Variants in MED12L observed in about 807,000 individuals in gnomAD.
The protein encoded by MED12L is mediator of RNA polymerase II transcription subunit 12-like protein.
In MED12L, 60 loss-of-function variants were observed where a neutral mutation model predicts 281.3. The ratio of observed to expected loss-of-function variants is 0.21; its 90% CI spans 0.17 to 0.26. The LOEUF is 0.26. Ranked by LOEUF, MED12L falls within the 10% of genes least tolerant of loss-of-function variation. MED12L has a pLI of 1.00. For missense variants in MED12L, 2,146 were observed against 2,680.9 expected (o/e 0.80, Z 4.41); for synonymous variants, 974 against 987.2 (o/e 0.99, Z 0.25).
chr3:151,295,484 A>G (rs1461515167), intron 16 of MED12L, among the ~76,000 whole-genome samples: 1 of 152,170 alleles, frequency 6.6e-6, no homozygotes, highest in Non-Finnish European at 1.5e-5. Flanking sequence ...TAAACATACC[A>G]GTGTAAATTA....
chr3:151,109,631 C>T (rs1711559497), intron 2 of MED12L, among the ~76,000 whole-genome samples: 1 of 152,194 alleles, frequency 6.6e-6, no homozygotes. Flanking sequence ...ACTGTGAATT[C>T]ACATTCTCAG....
At chr3:151,424,605 AG>A (rs1718647844) in intron 43 of MED12L, among the ~76,000 whole-genome samples, 1 of 146,412 alleles carries the variant, frequency 6.8e-6, no homozygotes, top group Non-Finnish European at 1.5e-5. Flanking sequence ...TGGACGACTG[AG>A]CAAAACTCTG....
In MED12L at chr3:151,433,833, G is replaced by A. The variant is rs1186881183; in HGVS notation, c.*1029G>A. On this transcript the variant is annotated 3_prime_UTR_variant, in exon 45 of 45. Transcript: ENST00000687756. ...TGCTCTTTTGAATTTAATTATTACTGTCAGTGTCAGTCTTGGTTGTGTATT... is the reference window on the plus strand; with the variant it reads ...TGCTCTTTTGAATTTAATTATTACTATCAGTGTCAGTCTTGGTTGTGTATT... 1 of 152,572 alleles carries A rather than the reference G, an allele frequency of 6.6e-6. No homozygotes were observed. The highest frequency in any genetic ancestry group is 1.5e-5 in the Non-Finnish European group (1 of 68,026). The allele number at this position is 152,572 out of a possible 1,614,324, so 9.5% of individuals were successfully genotyped here.
intron 16 of MED12L, among the ~76,000 whole-genome samples, chr3:151,322,136 T>G (rs1004745733): frequency 5.9e-5 from 9 of 152,178 alleles, no homozygotes; most frequent in African/African-American, 1.9e-4. Flanking sequence ...ATTCTACATG[T>G]TCATAGAAAT....
rs1720094225 is a variant in MED12L at position 151,435,768 on chromosome 3, A to C, written c.*2964A>C. 1.3e-5 allele frequency: 2 copies of C among 152,226 alleles called. No individual in the cohort carries two copies. The highest frequency in any genetic ancestry group is 1.3e-4 in the Admixed American group (2 of 15,288). The allele number at this position is 152,226 out of a possible 1,614,324, so 9.4% of individuals were successfully genotyped here. A position where few individuals can be genotyped will look rare whatever the true frequency, so the allele number is the denominator to read the frequency against. On this transcript the variant is annotated 3_prime_UTR_variant, in exon 45 of 45. Transcript: ENST00000687756. ...TAAGCATGTAATATAAATTCAGTGA[A>C]TTACAAAAACACATTTTGTGTAGGA...
chr3:151,187,148 C>G (rs1385011220), intron 12 of MED12L, among the ~76,000 whole-genome samples: 2 of 152,190 alleles, frequency 1.3e-5, no homozygotes, highest in African/African-American at 4.8e-5. Flanking sequence ...ACCTATTGAA[C>G]AGTGTGCAAA....
chr3:151,111,362 A>AT (rs959240322), intron 2 of MED12L, among the ~76,000 whole-genome samples: 34 of 151,232 alleles, frequency 2.2e-4, no homozygotes, highest in African/African-American at 6.3e-4. Flanking sequence ...TCTGGGCTTT[A>AT]TTTTTTTTTG....
intron 35 of MED12L, 28 bp from the exon 36 acceptor site, chr3:151,385,000 TCA>T: frequency 8.3e-7 from 1 of 1,211,446 alleles, no homozygotes; most frequent in Non-Finnish European, 1.2e-6. Flanking sequence ...GTCCCACTTC[TCA>T]CTCTCTCTCT....
chr3:151,350,971 C>T (rs951757524), intron 17 of MED12L, among the ~76,000 whole-genome samples: 1 of 152,084 alleles, frequency 6.6e-6, no homozygotes, highest in African/African-American at 2.4e-5. Flanking sequence ...ATTAGGTATC[C>T]TGCTACCACC....
At chr3:151,375,970 C>CAT (rs148538586) in intron 27 of MED12L, 56 bp from the exon 28 acceptor site, 139 of 812,880 alleles carry the variant, frequency 1.7e-4, no homozygotes, top group Admixed American at 5.7e-4. Context: ...GTACATATTG[C>CAT]ATATATATAT....
intron 16 of MED12L, among the ~76,000 whole-genome samples, chr3:151,293,696 A>G (rs957986016): frequency 4.7e-5 from 7 of 150,250 alleles, no homozygotes; most frequent in African/African-American, 1.7e-4. Context: ...CTTCATTTCT[A>G]TAGTGTTGAG....
At chr3:151,345,237 A>G (rs1436628228) in intron 16 of MED12L, among the ~76,000 whole-genome samples, 1 of 152,210 alleles carries the variant, frequency 6.6e-6, no homozygotes, top group East Asian at 1.9e-4. Flanking sequence ...TAAAAGAGGT[A>G]GCCTGACGTC....
chr3:151,360,723 C>A, intron 21 of MED12L, 118 bp downstream of exon 21: 1 of 939,862 alleles, frequency 1.1e-6, no homozygotes, highest in Non-Finnish European at 1.6e-6. Flanking sequence ...ATCTATTAGG[C>A]AGTAATTTTG....
chr3:151,207,551 A>G (rs77070560), intron 16 of MED12L, among the ~76,000 whole-genome samples: 45 of 152,256 alleles, frequency 3.0e-4, no homozygotes, highest in Non-Finnish European at 5.4e-4. Flanking sequence ...TGAGGAAAAG[A>G]TTGAGACCAA....
intron 38 of MED12L, among the ~76,000 whole-genome samples, chr3:151,392,467 GAAAAAAAAA>G (rs200781609): frequency 2.1e-4 from 20 of 95,842 alleles, no homozygotes; most frequent in Non-Finnish European, 2.7e-4. Flanking sequence ...TCCATCTCAA[GAAAAAAAAA>G]AAAAAAAAAA....
chr3:151,163,837 ATTG>A, intron 8 of MED12L, 53 bp from the exon 9 acceptor site: 1 of 1,554,734 alleles, frequency 6.4e-7, no homozygotes, highest in Non-Finnish European at 8.8e-7. Context: ...CTGTTTAGCT[ATTG>A]TTATGCTTTT....
chr3:151,417,549 G>T (rs538645850), intron 43 of MED12L, among the ~76,000 whole-genome samples: 2 of 130,902 alleles, frequency 1.5e-5, no homozygotes, highest in South Asian at 4.8e-4. Flanking sequence ...AGTGCAGTGC[G>T]ATCTCAGCTC....
intron 35 of MED12L, among the ~76,000 whole-genome samples, chr3:151,384,526 G>A (rs962654385): frequency 7.2e-5 from 11 of 152,004 alleles, no homozygotes; most frequent in African/African-American, 2.7e-4. Context: ...TCTATGCTTG[G>A]ACTGGCACGT....
In MED12L at chr3:151,429,957, TA is replaced by T. The variant is rs1426159497; in HGVS notation, c.6409-340del. On this transcript the variant is annotated intron_variant, in intron 43 of 44. Coordinates refer to ENST00000687756, the MANE Select transcript of MED12L (RefSeq NM_001393769.1). ...CAGAGAGCTTTCATTTTGCCAGTAT[TA>T]ATATCATGATACTCATGAGCTAGCT... is the stretch of plus-strand genomic sequence containing the variant. Among the ~76,000 whole-genome samples, 7 of 152,184 alleles carry T rather than the reference TA, an allele frequency of 4.6e-5. No individual in the cohort carries two copies. In the East Asian group the frequency reaches 1.3e-3, roughly 29 times the overall value.
Sources: gnomAD v4.1 joint callset for allele counts (sites outside exome capture counted in the v4.1 genomes callset) on GRCh38, gnomAD v4.1.1 for gene constraint, MANE v1.5 for transcripts, NCBI Gene and HGNC (gene_info 2026-07-23, HGNC 2026-07-21) for gene names.